Variants in TBC1D30 observed in about 807,000 individuals in gnomAD.
The protein encoded by TBC1D30 is TBC1 domain family member 30, also known as TBC1 domain family, member 30.
A neutral mutation model predicts 63.2 loss-of-function variants in TBC1D30; 31 were observed. The observed-to-expected ratio is 0.49, with a 90% CI of 0.37 to 0.66. The LOEUF is 0.66. Ranked by LOEUF, TBC1D30 falls within the 30% of genes least tolerant of loss-of-function variation. The pLI is 0.00. For synonymous variants in TBC1D30, 307 were observed against 361.5 expected (o/e 0.85, Z 1.71); for missense variants, 810 against 953.6 (o/e 0.85, Z 1.98).
chr12:64,788,194 T>C (rs537599286), intron 2 of TBC1D30, among the ~76,000 whole-genome samples: 1 of 126,724 alleles, frequency 7.9e-6, no homozygotes, highest in African/African-American at 3.8e-5. Flanking sequence ...TGTGTAGGGG[T>C]GTGTGTGTGT....
At chr12:64,871,866 C>T (rs563599708) in intron 11 of TBC1D30, among the ~76,000 whole-genome samples, 1 of 152,286 alleles carries the variant, frequency 6.6e-6, no homozygotes, top group South Asian at 2.1e-4. Flanking sequence ...ATTCTTTGTA[C>T]AGTCCCTTTT....
chr12:64,867,928 T>A (rs998678004), intron 10 of TBC1D30: 1 of 152,472 alleles, frequency 6.6e-6, no homozygotes, highest in East Asian at 1.9e-4. Context: ...CTGACCAGAT[T>A]ACAGAAATAA....
intron 3 of TBC1D30, among the ~76,000 whole-genome samples, 189 bp from the exon 4 acceptor site, chr12:64,830,188 G>A (rs1229327808): frequency 6.6e-6 from 1 of 152,104 alleles, no homozygotes; most frequent in East Asian, 1.9e-4. Context: ...GTAAATGAAA[G>A]GCCCTAAATG....
At chr12:64,768,856 A>G (rs1565633980) in intron 1 of TBC1D30, among the ~76,000 whole-genome samples, 1 of 152,208 alleles carries the variant, frequency 6.6e-6, no homozygotes, top group Non-Finnish European at 1.5e-5. Context: ...TTATTTCAAA[A>G]TAGAAATTTT....
chr12:64,764,074 G>C (rs371249542), intron 1 of TBC1D30, among the ~76,000 whole-genome samples: 1 of 152,132 alleles, frequency 6.6e-6, no homozygotes, highest in East Asian at 1.9e-4. Context: ...TGTCTCAGAT[G>C]TTTTCAGTTG....
At chr12:64,851,903 G>A (rs1876905168) in intron 8 of TBC1D30, among the ~76,000 whole-genome samples, 1 of 152,152 alleles carries the variant, frequency 6.6e-6, no homozygotes, top group African/African-American at 2.4e-5. Flanking sequence ...TTAGTCTGAT[G>A]GGCTTCCCTT....
At chr12:64,809,365 C>G (rs545430640) in intron 2 of TBC1D30, among the ~76,000 whole-genome samples, 2 of 152,222 alleles carry the variant, frequency 1.3e-5, no homozygotes, top group South Asian at 4.1e-4. Flanking sequence ...TTGTCCATTA[C>G]TGAGTTACTT....
intron 7 of TBC1D30, among the ~76,000 whole-genome samples, chr12:64,842,745 A>G (rs1875991122): frequency 6.6e-6 from 1 of 152,162 alleles, no homozygotes; most frequent in Non-Finnish European, 1.5e-5. Flanking sequence ...ATTGTTTTTT[A>G]GTACCCAATT....
intron 2 of TBC1D30, among the ~76,000 whole-genome samples, chr12:64,812,958 CT>C (rs1474139012): frequency 1.1e-4 from 17 of 152,172 alleles, no homozygotes; most frequent in Admixed American, 9.2e-4. Context: ...TTTTTATGGG[CT>C]TCCTGGAGTG....
chr12:64,843,832 C>A (rs897312378), intron 8 of TBC1D30, among the ~76,000 whole-genome samples: 2 of 152,186 alleles, frequency 1.3e-5, no homozygotes, highest in African/African-American at 4.8e-5. Flanking sequence ...CATTCTGTCA[C>A]CCTGGCTGGA....
upstream of TBC1D30, among the ~76,000 whole-genome samples, chr12:64,820,658 C>T (rs1873835874): frequency 6.6e-6 from 1 of 152,234 alleles, no homozygotes; most frequent in African/African-American, 2.4e-5. Flanking sequence ...ATTGGCCTGG[C>T]TCCTGAGATT....
chr12:64,860,788 A>G (rs1592650039), intron 8 of TBC1D30, among the ~76,000 whole-genome samples: 1 of 152,142 alleles, frequency 6.6e-6, no homozygotes, highest in East Asian at 1.9e-4. Context: ...AGTGTGAGCA[A>G]CTTGTTGGTT....
intron 2 of TBC1D30, among the ~76,000 whole-genome samples, chr12:64,801,312 A>T: frequency 6.6e-6 from 1 of 152,104 alleles, no homozygotes; most frequent in East Asian, 1.9e-4. Context: ...GGTTGGATCA[A>T]AGTTTGTGTG....
chr12:64,832,379 T>G, intron 5 of TBC1D30, 75 bp downstream of exon 5: 8 of 1,397,426 alleles, frequency 5.7e-6, no homozygotes, highest in Non-Finnish European at 7.7e-6. Context: ...TTTCTCTTCC[T>G]TGATGTCTCA....
rs1875399156 is a variant in TBC1D30, at chr12:64,836,758, A to AT, written c.763+105dup. The AT allele has an allele frequency of 1.3e-5, 16 of 1,196,446 alleles. No homozygotes were observed. In the Admixed American group the frequency reaches 4.2e-4, roughly 32 times the overall value. The allele number at this position is 1,196,446 out of a possible 1,614,324, so 74.1% of individuals were successfully genotyped here. On this transcript the variant is annotated intron_variant, in intron 6 of 11. Coordinates refer to ENST00000539867, the MANE Select transcript of TBC1D30 (RefSeq NM_015279.2). ...TGAATGGAAATATGTATTTCCAGCT[A>AT]TTTTTGTAAGAGCTTGGTGTAATGA...
chr12:64,827,754 G>C, intron 1 of TBC1D30, 81 bp from the exon 2 acceptor site: 2 of 993,638 alleles, frequency 2.0e-6, no homozygotes, highest in Non-Finnish European at 2.9e-6. Context: ...TGATTCAGTA[G>C]AATCAAGCTT....
intron 6 of TBC1D30, among the ~76,000 whole-genome samples, chr12:64,837,390 G>A (rs1457177975): frequency 6.6e-6 from 1 of 151,810 alleles, no homozygotes; most frequent in African/African-American, 2.4e-5. Flanking sequence ...ATCAGTGGGA[G>A]CTCTGAACTT....
At chr12:64,827,930 G>T (rs983190843) in intron 2 of TBC1D30, 34 bp downstream of exon 2, 2 of 1,445,882 alleles carry the variant, frequency 1.4e-6, no homozygotes, top group Admixed American at 2.0e-5. Flanking sequence ...CTTCTTTTGG[G>T]GTTACCAACA....
At chr12:64,851,007 A>G (rs1391596640) in intron 8 of TBC1D30, among the ~76,000 whole-genome samples, 1 of 152,114 alleles carries the variant, frequency 6.6e-6, no homozygotes, top group Non-Finnish European at 1.5e-5. Flanking sequence ...AGGAGGGTGT[A>G]TGTGTCCTGG....
Sources: allele counts gnomAD v4.1 joint callset (sites outside exome capture counted in the v4.1 genomes callset), GRCh38; gene constraint gnomAD v4.1.1; transcripts MANE v1.5; gene names NCBI Gene and HGNC (gene_info 2026-07-23, HGNC 2026-07-21).